The following ASB3 variants were observed in gnomAD, a reference collection of about 807,000 sequenced individuals.
The protein encoded by ASB3 is ankyrin repeat and SOCS box protein 3.
In ASB3, 41 loss-of-function variants were observed where a neutral mutation model predicts 54.5. That is an observed-to-expected ratio of 0.75 (90% CI 0.59 to 0.98). The LOEUF is 0.98. Among genes scored for constraint, ASB3 ranks in the 50% least tolerant of loss-of-function variants. The pLI is 0.00. For missense variants in ASB3, 733 were observed against 620.0 expected, an observed-to-expected ratio of 1.18 and a Z score of -1.94; for synonymous variants, 266 against 221.2, an observed-to-expected ratio of 1.20 and a Z score of -1.80.
intron 1 of ASB3, among the ~76,000 whole-genome samples, chr2:53,772,330 A>G (rs1181693142): frequency 1.3e-5 from 2 of 151,982 alleles, no homozygotes; most frequent in Non-Finnish European, 2.9e-5. Flanking sequence ...GCCCGCCACC[A>G]TGTCTGGCTA....
At chr2:53,738,527 C>T (rs1178324722) in intron 3 of ASB3, among the ~76,000 whole-genome samples, 4 of 152,094 alleles carry the variant, frequency 2.6e-5, no homozygotes, top group African/African-American at 4.8e-5. Flanking sequence ...TGGCTAGTGA[C>T]CATCATAAGG....
rs1669434719 is a variant in ASB3, at chr2:53,700,615, C to G, written c.981-87G>C. The G allele has an allele frequency of 2.7e-6, 4 of 1,485,110 alleles. No homozygotes were observed. The Admixed American group carries it at 9.6e-5, about 36-fold the overall frequency. The allele number at this position is 1,485,110 out of a possible 1,614,324, so 92.0% of individuals were successfully genotyped here. On this transcript the variant is annotated intron_variant, in intron 7 of 9. Coordinates refer to ENST00000263634, the MANE Select transcript of ASB3 (RefSeq NM_016115.5). The stretch of plus-strand genomic sequence containing the variant: ...TACAAACAGTTAATAGTAGTTACAG[C>G]TGGGGAATAAGTATGGCAGATTAAA...
Position 53,700,270 on chromosome 2 carries a change from C to A in ASB3, c.1238+1G>T. ...AGCCCGACTATGGTAGAATTTCTTA[C>A]CAAGAATTGCACAGTAGAATCAGTG... On this transcript the variant is annotated splice_donor_variant, in intron 8 of 9. Transcript: ENST00000263634. LOFTEE classifies it high-confidence loss of function. The A allele has an allele frequency of 1.2e-6, 2 of 1,609,118 alleles. No individual in the cohort carries two copies. Among genetic ancestry groups the A allele is most frequent in the South Asian group, 2.2e-5 (2 of 90,256 alleles).
chr2:53,671,603 T>C (rs555416619), intron 9 of ASB3, among the ~76,000 whole-genome samples: 1 of 152,100 alleles, frequency 6.6e-6, no homozygotes, highest in Non-Finnish European at 1.5e-5. Context: ...CTACTAAAAA[T>C]ACAAAATTAG....
intron 3 of ASB3, among the ~76,000 whole-genome samples, chr2:53,737,084 A>G (rs1286747291): frequency 6.6e-6 from 1 of 152,214 alleles, no homozygotes; most frequent in Non-Finnish European, 1.5e-5. Context: ...GGGATATGAC[A>G]GTATAACTGG....
chr2:53,782,635 T>C (rs1436441681), intron 1 of ASB3, among the ~76,000 whole-genome samples: 1 of 152,186 alleles, frequency 6.6e-6, no homozygotes, highest in Non-Finnish European at 1.5e-5. Flanking sequence ...CTGGAAGCCT[T>C]TGAGCATCTT....
intron 3 of ASB3, among the ~76,000 whole-genome samples, chr2:53,744,354 A>G (rs1672107057): frequency 6.7e-6 from 1 of 148,478 alleles, no homozygotes; most frequent in Non-Finnish European, 1.5e-5. Flanking sequence ...ACTGCACTCC[A>G]GCCTGGGCAG....
chr2:53,708,393 C>T (rs1238777087), intron 7 of ASB3, among the ~76,000 whole-genome samples: 2 of 152,164 alleles, frequency 1.3e-5, no homozygotes, highest in Admixed American at 6.5e-5. Context: ...GAACTATGGG[C>T]CAATTAAACC....
chr2:53,742,171 G>C (rs568299043), intron 3 of ASB3, among the ~76,000 whole-genome samples: 62 of 152,124 alleles, frequency 4.1e-4, no homozygotes, highest in Non-Finnish European at 6.9e-4. Flanking sequence ...AAACTGTATT[G>C]CAAAAATCCC....
Position 53,774,160 on chromosome 2 carries a change from G to A in ASB3, c.-13-8575C>T, listed in dbSNP as rs1674159114. On this transcript the variant is annotated intron_variant, in intron 1 of 9. Transcript: ENST00000263634. ...TCAACAGGGATGTGTATGGGGTGTT[G>A]CTTACAGATTGCCAGTAGGAAAGGA... 2 of 1,609,634 alleles carry A rather than the reference G, an allele frequency of 1.2e-6. No individual in the cohort carries two copies. The highest frequency in any genetic ancestry group is 1.7e-5 in the Admixed American group (1 of 59,424).
At chr2:53,751,650 G>C (rs1048164426) in intron 2 of ASB3, among the ~76,000 whole-genome samples, 2 of 151,808 alleles carry the variant, frequency 1.3e-5, no homozygotes, top group Non-Finnish European at 2.9e-5. Context: ...ACATTTCTGA[G>C]AGCTGGAATA....
At chr2:53,733,383 G>A (rs563844983) in intron 3 of ASB3, among the ~76,000 whole-genome samples, 90 of 150,986 alleles carry the variant, frequency 6.0e-4, no homozygotes, top group African/African-American at 2.2e-3. Flanking sequence ...GAAGAAGCAG[G>A]CTTCCTCCTT....
At chr2:53,701,412 C>T (rs1326236991) in intron 7 of ASB3, among the ~76,000 whole-genome samples, 1 of 152,144 alleles carries the variant, frequency 6.6e-6, no homozygotes, top group Non-Finnish European at 1.5e-5. Context: ...TAGTAATTGG[C>T]AGAACTGGGA....
At chr2:53,700,158 T>A in intron 8 of ASB3, 113 bp downstream of exon 8, 1 of 1,484,774 alleles carries the variant, frequency 6.7e-7, no homozygotes, top group Non-Finnish European at 9.0e-7. Context: ...AATTCAGCCA[T>A]CACAGTCAAA....
intron 3 of ASB3, among the ~76,000 whole-genome samples, chr2:53,744,439 G>A (rs1265251344): frequency 6.6e-6 from 1 of 151,390 alleles, no homozygotes; most frequent in Non-Finnish European, 1.5e-5. Flanking sequence ...ATATAAAGTT[G>A]TATCAAGAAC....
intron 3 of ASB3, among the ~76,000 whole-genome samples, chr2:53,750,156 A>G (rs1672439022): frequency 2.6e-5 from 4 of 152,064 alleles, no homozygotes; most frequent in Admixed American, 2.6e-4. Flanking sequence ...CGCTTCATTG[A>G]CTCAATTTTC....
chr2:53,761,290 A>T (rs552752114), intron 2 of ASB3, among the ~76,000 whole-genome samples: 1 of 152,174 alleles, frequency 6.6e-6, no homozygotes, highest in African/African-American at 2.4e-5. Context: ...GTCAAATCAT[A>T]TATCGCCTGA....
At chr2:53,709,908 A>C (rs1669995313) in intron 7 of ASB3, among the ~76,000 whole-genome samples, 1 of 152,086 alleles carries the variant, frequency 6.6e-6, no homozygotes, top group Non-Finnish European at 1.5e-5. Flanking sequence ...CCTCTGAGGG[A>C]ATCAGCTACC....
intron 9 of ASB3, among the ~76,000 whole-genome samples, chr2:53,683,852 T>TA (rs1668504638): frequency 6.6e-6 from 1 of 152,160 alleles, no homozygotes; most frequent in African/African-American, 2.4e-5. Flanking sequence ...CTTTTTTTCT[T>TA]AGTCTGGCTA....
Sources: gnomAD v4.1 joint callset for allele counts (sites outside exome capture counted in the v4.1 genomes callset) on GRCh38, gnomAD v4.1.1 for gene constraint, MANE v1.5 for transcripts, NCBI Gene and HGNC (gene_info 2026-07-23, HGNC 2026-07-21) for gene names.